The following SNX29 variants were observed in gnomAD, a reference collection of about 807,000 sequenced individuals.
SNX29 encodes the protein sorting nexin 29, also known as sorting nexin-29.
Under a neutral mutation model 102.1 loss-of-function variants are expected in SNX29, and 78 were observed. The observed-to-expected ratio is 0.76, with a 90% CI of 0.64 to 0.92. SNX29 has a LOEUF of 0.92. SNX29 is among the 40% of genes least tolerant of loss of function. SNX29 has a pLI of 0.00. For synonymous variants in SNX29, 580 were observed against 414.5 expected (o/e 1.40, Z -4.85); for missense variants, 1,280 against 1,061.7 (o/e 1.21, Z -2.86).
At chr16:12,342,565 T>C (rs2081640480) in intron 15 of SNX29, among the ~76,000 whole-genome samples, 1 of 152,174 alleles carries the variant, frequency 6.6e-6, no homozygotes, top group African/African-American at 2.4e-5. Flanking sequence ...ATGTGCCCAG[T>C]TCTGTGTGTC....
At chr16:12,380,766 C>CACCCACA (rs2083077837) in intron 16 of SNX29, among the ~76,000 whole-genome samples, 1 of 114,346 alleles carries the variant, frequency 8.7e-6, no homozygotes, top group African/African-American at 2.9e-5. Context: ...ATCCACCCAC[C>CACCCACA]CACCATCCAT....
At chr16:12,431,909 C>T (rs1210471130) in intron 18 of SNX29, among the ~76,000 whole-genome samples, 1 of 152,166 alleles carries the variant, frequency 6.6e-6, no homozygotes, top group Non-Finnish European at 1.5e-5. Context: ...CCAGTGAACC[C>T]ACGAACAAAG....
intron 11 of SNX29, among the ~76,000 whole-genome samples, chr16:12,107,833 A>G (rs1396333616): frequency 3.3e-5 from 5 of 152,020 alleles, no homozygotes; most frequent in African/African-American, 1.2e-4. Context: ...GTCCATAGGA[A>G]TTCTTCATTA....
intron 1 of SNX29, among the ~76,000 whole-genome samples, chr16:11,977,228 C>G (rs1451272055): frequency 1.3e-5 from 2 of 152,162 alleles, no homozygotes; most frequent in Admixed American, 6.5e-5. Context: ...ACCCAGGCCC[C>G]TGGTCTCCAG....
chr16:11,981,999 G>A (rs2055427657), intron 1 of SNX29, among the ~76,000 whole-genome samples: 1 of 151,132 alleles, frequency 6.6e-6, no homozygotes, highest in Non-Finnish European at 1.5e-5. Context: ...GAGTCCAGGA[G>A]TTTGAGACCA....
chr16:12,485,953 C>T (rs1457598332), intron 19 of SNX29, among the ~76,000 whole-genome samples: 1 of 152,196 alleles, frequency 6.6e-6, no homozygotes, highest in Admixed American at 6.5e-5. Flanking sequence ...CCTTTCTGTA[C>T]ATCCCGGATC....
Position 12,288,507 on chromosome 16 carries a change from C to T in SNX29, c.1782+10471C>T, listed in dbSNP as rs145748400. ...TGTAACTCCACTGGAGCTGTGACAC[C>T]GCCACTTCAATAAAGCTGTTTTCTT... On this transcript the variant is annotated intron_variant, in intron 15 of 20. Coordinates refer to ENST00000566228, the MANE Select transcript of SNX29 (RefSeq NM_032167.5). Among the ~76,000 whole-genome samples, 97 of 152,110 alleles carry T rather than the reference C, an allele frequency of 6.4e-4. 1 individual carries two copies. The highest frequency in any genetic ancestry group is 1.5e-3 in the African/African-American group (61 of 41,500).
intron 19 of SNX29, among the ~76,000 whole-genome samples, chr16:12,496,897 G>A (rs1406007379): frequency 1.3e-5 from 2 of 152,058 alleles, no homozygotes; most frequent in Non-Finnish European, 2.9e-5. Context: ...GGGAAAGCAT[G>A]AGCAAAGCTG....
intron 18 of SNX29, among the ~76,000 whole-genome samples, chr16:12,419,542 G>T (rs1337409461): frequency 6.7e-6 from 1 of 148,470 alleles, no homozygotes; most frequent in African/African-American, 2.5e-5. Context: ...AATTTTAGGG[G>T]CTTAGTGTCA....
At chr16:12,552,941 C>G (rs986109834) in intron 20 of SNX29, among the ~76,000 whole-genome samples, 1 of 152,184 alleles carries the variant, frequency 6.6e-6, no homozygotes, top group Non-Finnish European at 1.5e-5. Context: ...CCTTATATGC[C>G]ACGTCATCAG....
Position 12,098,804 on chromosome 16 carries a change from T to G in SNX29, c.1402+19889T>G, listed in dbSNP as rs926247004. On this transcript the variant is annotated intron_variant, in intron 11 of 20. Transcript: ENST00000566228. This position sits in a 1 kb window ranked among gnomAD's most constrained non-coding sequence, Gnocchi z 6.0. ...GCTTACAAAACCTCGTCCCTGAGTCTAACAGTCAGAGGTAGAGACCCCCCT... is the reference window on the plus strand; with the variant it reads ...GCTTACAAAACCTCGTCCCTGAGTCGAACAGTCAGAGGTAGAGACCCCCCT... Among the ~76,000 whole-genome samples, 5 of 152,206 alleles carry G rather than the reference T, an allele frequency of 3.3e-5. No homozygotes were observed. The highest frequency in any genetic ancestry group is 1.2e-4 in the African/African-American group (5 of 41,448).
chr16:12,245,671 A>G (rs2078239635), intron 14 of SNX29, among the ~76,000 whole-genome samples: 4 of 152,100 alleles, frequency 2.6e-5, no homozygotes, highest in Admixed American at 2.6e-4. Flanking sequence ...GGTTTATAGA[A>G]CTAGTCACAG....
chr16:12,271,315 G>T (rs138531077), intron 14 of SNX29, among the ~76,000 whole-genome samples: 4 of 152,344 alleles, frequency 2.6e-5, no homozygotes, highest in African/African-American at 4.8e-5. Flanking sequence ...CCCTCATGTG[G>T]CTCATGGGGG....
intron 20 of SNX29, among the ~76,000 whole-genome samples, chr16:12,541,296 G>A (rs766558244): frequency 1.3e-5 from 2 of 152,180 alleles, no homozygotes; most frequent in African/African-American, 4.8e-5. Flanking sequence ...CACTAACAGT[G>A]GGGATGGTCA....
At chr16:12,084,598 G>A (rs1042603147) in intron 11 of SNX29, among the ~76,000 whole-genome samples, 1 of 152,122 alleles carries the variant, frequency 6.6e-6, no homozygotes, top group African/African-American at 2.4e-5. Flanking sequence ...GTGCCCTCAG[G>A]GCCGGGAGGG....
At chr16:12,046,937 A>T (rs1340046654) in intron 6 of SNX29, among the ~76,000 whole-genome samples, 1 of 152,146 alleles carries the variant, frequency 6.6e-6, no homozygotes, top group African/African-American at 2.4e-5. Flanking sequence ...GGGTCCATTT[A>T]TCTAGAATGG....
chr16:12,419,940 C>A (rs7201310), intron 18 of SNX29, among the ~76,000 whole-genome samples: 106,575 of 152,172 alleles, frequency 0.7, 37,526 homozygotes, highest in African/African-American at 0.77. Context: ...CAAAATCAGC[C>A]CACGTCCACT....
At chr16:12,206,338 T>G (rs1294458983) in intron 14 of SNX29, among the ~76,000 whole-genome samples, 1 of 147,652 alleles carries the variant, frequency 6.8e-6, no homozygotes, top group Non-Finnish European at 1.5e-5. Context: ...CCAATTTTTT[T>G]CATTGCTGGG....
rs1567279051 is a variant in SNX29 at position 12,175,262 on chromosome 16, GAA to G, written c.1596-24338_1596-24337del. Among the ~76,000 whole-genome samples, 32 of 152,216 alleles carry G rather than the reference GAA, an allele frequency of 2.1e-4. No individual in the cohort carries two copies. The East Asian group carries it at 6.2e-3, about 29-fold the overall frequency. On this transcript the variant is annotated intron_variant, in intron 13 of 20. Transcript: ENST00000566228. ...AGTGAATTATGTCCGCCTACCCCCC[GAA>G]TATATATGTTAAGCCCTAACTCCCA...
Sources: gnomAD v4.1 joint callset for allele counts (sites outside exome capture counted in the v4.1 genomes callset) on GRCh38, gnomAD v4.1.1 for gene constraint, Gnocchi (gnomAD v3.1) non-coding constraint, MANE v1.5 for transcripts, NCBI Gene and HGNC (gene_info 2026-07-23, HGNC 2026-07-21) for gene names.